Variants in VAT1L observed in about 807,000 individuals in gnomAD.
The protein encoded by VAT1L is vesicle amine transport 1 like.
Under a neutral mutation model 44.1 loss-of-function variants are expected in VAT1L, and 34 were observed. The observed-to-expected ratio is 0.77, with a 90% CI of 0.59 to 1.03. VAT1L has a LOEUF of 1.03. Among genes scored for constraint, VAT1L ranks in the 50% least tolerant of loss-of-function variants. The probability of loss-of-function intolerance (pLI) is 0.00; values close to 1 mark genes in which losing one functional copy is unlikely to be tolerated. For missense variants in VAT1L, 615 were observed against 538.8 expected (o/e 1.14, Z -1.40); for synonymous variants, 253 against 202.2 (o/e 1.25, Z -2.13).
At chr16:77,909,896 C>A (rs2017480693) in intron 7 of VAT1L, among the ~76,000 whole-genome samples, 1 of 152,132 alleles carries the variant, frequency 6.6e-6, no homozygotes, top group Non-Finnish European at 1.5e-5. Context: ...GCCTGCTCGC[C>A]CTCCCTTCTT....
intron 3 of VAT1L, among the ~76,000 whole-genome samples, chr16:77,831,369 G>C (rs2016576298): frequency 6.6e-6 from 1 of 152,148 alleles, no homozygotes; most frequent in South Asian, 2.1e-4. Context: ...TATATTCATA[G>C]TACTGGGTAC....
chr16:77,878,505 G>A (rs905460071), intron 5 of VAT1L, among the ~76,000 whole-genome samples: 1 of 148,622 alleles, frequency 6.7e-6, no homozygotes, highest in African/African-American at 2.5e-5. Flanking sequence ...TTTACTCTCC[G>A]TATGAGAATC....
At chr16:77,793,314 T>C (rs931746594) in intron 1 of VAT1L, among the ~76,000 whole-genome samples, 13 of 152,142 alleles carry the variant, frequency 8.5e-5, no homozygotes, top group Non-Finnish European at 1.8e-4. Context: ...AGACAGAGTC[T>C]ATGTTGCTCA....
chr16:77,832,614 T>C (rs1170496326), intron 3 of VAT1L, among the ~76,000 whole-genome samples: 1 of 152,200 alleles, frequency 6.6e-6, no homozygotes, highest in African/African-American at 2.4e-5. Flanking sequence ...GGCTGGACCA[T>C]AGACCTTGGA....
At chr16:77,960,741 C>T (rs2018151876) in intron 7 of VAT1L, among the ~76,000 whole-genome samples, 2 of 152,064 alleles carry the variant, frequency 1.3e-5, no homozygotes, top group African/African-American at 2.4e-5. Flanking sequence ...ATAACCAAGA[C>T]CCCAAGGTTG....
At chr16:77,821,986 C>A (rs1183018051) in intron 2 of VAT1L, among the ~76,000 whole-genome samples, 1 of 152,198 alleles carries the variant, frequency 6.6e-6, no homozygotes, top group Non-Finnish European at 1.5e-5. Flanking sequence ...TCTCGTGTTT[C>A]CTGCTGCTTT....
At chr16:77,957,930 CAG>C (rs1441680256) in intron 7 of VAT1L, among the ~76,000 whole-genome samples, 1 of 151,852 alleles carries the variant, frequency 6.6e-6, no homozygotes. Flanking sequence ...ATTTTTGAGA[CAG>C]GGGCTTGCTC....
chr16:77,870,137 C>A (rs868634138), intron 4 of VAT1L, among the ~76,000 whole-genome samples: 30 of 152,316 alleles, frequency 2.0e-4, no homozygotes, highest in Admixed American at 9.8e-4. Context: ...GCTTGGCCCC[C>A]TGTGAGAAAC....
Position 77,807,349 on chromosome 16 carries a change from C to T in VAT1L, c.234-9572C>T, listed in dbSNP as rs1387860544. Among the ~76,000 whole-genome samples, 4 of 152,304 alleles carry T rather than the reference C, an allele frequency of 2.6e-5. No individual in the cohort carries two copies. The East Asian group carries it at 5.8e-4, about 22-fold the overall frequency. On this transcript the variant is annotated intron_variant, in intron 1 of 8. Coordinates refer to ENST00000302536, the MANE Select transcript of VAT1L (RefSeq NM_020927.3). ...ATTGTTCTCAGCCAAAGAAAGTCTC[C>T]TTCCCCAAGCCTGCACCCCCTCCCT...
chr16:77,797,226 C>G (rs2015953930), intron 1 of VAT1L, among the ~76,000 whole-genome samples: 1 of 151,956 alleles, frequency 6.6e-6, no homozygotes, highest in Non-Finnish European at 1.5e-5. Flanking sequence ...ATTTTCCTGC[C>G]TCAGCCTCCT....
chr16:77,864,722 G>C (rs2016953515), intron 4 of VAT1L, among the ~76,000 whole-genome samples: 1 of 152,184 alleles, frequency 6.6e-6, no homozygotes, highest in African/African-American at 2.4e-5. Context: ...GGTGAAACTT[G>C]GGAAGTTTCT....
intron 7 of VAT1L, among the ~76,000 whole-genome samples, chr16:77,934,078 G>A (rs2017764130): frequency 6.6e-6 from 1 of 152,158 alleles, no homozygotes; most frequent in East Asian, 1.9e-4. Context: ...AGAATAATTA[G>A]GGAGCTACTG....
chr16:77,935,416 C>G (rs1034487923), intron 7 of VAT1L, among the ~76,000 whole-genome samples: 2 of 149,260 alleles, frequency 1.3e-5, no homozygotes, highest in African/African-American at 4.9e-5. Flanking sequence ...TCTTTGGGCA[C>G]GAGAATTTTT....
intron 8 of VAT1L, among the ~76,000 whole-genome samples, chr16:77,972,413 A>G (rs531468930): frequency 3.9e-5 from 6 of 152,130 alleles, no homozygotes; most frequent in African/African-American, 1.4e-4. Flanking sequence ...CCGCCTCCTG[A>G]CTGAAGTGAT....
At chr16:77,811,212 C>T (rs1000766020) in intron 1 of VAT1L, among the ~76,000 whole-genome samples, 7 of 152,144 alleles carry the variant, frequency 4.6e-5, no homozygotes, top group African/African-American at 1.7e-4. Flanking sequence ...ATATGAGCAA[C>T]CCCTGCCTCT....
At chr16:77,789,943 A>G (rs950749182) in intron 1 of VAT1L, among the ~76,000 whole-genome samples, 5 of 152,150 alleles carry the variant, frequency 3.3e-5, no homozygotes, top group Admixed American at 6.5e-5. Flanking sequence ...TTAAACTTGT[A>G]AGGGGAACTT....
At chr16:77,967,692 C>T (rs778150584) in intron 7 of VAT1L, among the ~76,000 whole-genome samples, 2 of 152,186 alleles carry the variant, frequency 1.3e-5, no homozygotes, top group Non-Finnish European at 2.9e-5. Context: ...TCACAATAAG[C>T]TTTAACTGGT....
intron 3 of VAT1L, among the ~76,000 whole-genome samples, chr16:77,841,412 A>G (rs1169685759): frequency 1.3e-5 from 2 of 152,182 alleles, no homozygotes; most frequent in African/African-American, 4.8e-5. Flanking sequence ...GCATTGAGAA[A>G]TGTTCATATA....
At chr16:77,944,437 C>A (rs936017793) in intron 7 of VAT1L, among the ~76,000 whole-genome samples, 1 of 152,176 alleles carries the variant, frequency 6.6e-6, no homozygotes, top group Non-Finnish European at 1.5e-5. Context: ...GGATAATGGG[C>A]ATGACAGAAT....
Sources: allele counts gnomAD v4.1 joint callset (sites outside exome capture counted in the v4.1 genomes callset), GRCh38; gene constraint gnomAD v4.1.1; transcripts MANE v1.5; gene names NCBI Gene and HGNC (gene_info 2026-07-23, HGNC 2026-07-21).